The following GRID1 variants were observed in gnomAD, a reference collection of about 807,000 sequenced individuals.
GRID1 encodes glutamate ionotropic receptor delta type subunit 1, also known as glutamate receptor ionotropic, delta-1.
Under a neutral mutation model 98.0 loss-of-function variants are expected in GRID1, and 28 were observed. The observed-to-expected ratio is 0.29, with a 90% CI of 0.21 to 0.39. The LOEUF is 0.39. GRID1 is among the 10% of genes least tolerant of loss of function. The probability of loss-of-function intolerance (pLI) is 1.00; values close to 1 mark genes in which losing one functional copy is unlikely to be tolerated. For missense variants in GRID1, 1,111 were observed against 1,340.5 expected, an observed-to-expected ratio of 0.83 and a Z score of 2.67; for synonymous variants, 553 against 538.5, an observed-to-expected ratio of 1.03 and a Z score of -0.37.
chr10:85,774,749 A>G (rs879421928), intron 8 of GRID1, among the ~76,000 whole-genome samples: 317 of 150,556 alleles, frequency 2.1e-3, no homozygotes, highest in Middle Eastern at 0.01. Flanking sequence ...TGGCCATCAG[A>G]GAAATGCAAA....
At chr10:85,970,589 T>C (rs1164447101) in intron 4 of GRID1, among the ~76,000 whole-genome samples, 2 of 152,082 alleles carry the variant, frequency 1.3e-5, no homozygotes, top group Non-Finnish European at 2.9e-5. Context: ...TCTTTACAGA[T>C]GCAGAAAAAG....
chr10:86,197,491 T>C lies in GRID1; in HGVS notation c.520+8873A>G, dbSNP rs142166227. On this transcript the variant is annotated intron_variant, in intron 3 of 15. Coordinates refer to ENST00000327946, the MANE Select transcript of GRID1 (RefSeq NM_017551.3). Reference sequence around the variant, plus strand: ...AACACAACATCTCCCTTGTTCCCTCTCATGTGTGGAGCAAAGGAGGTCTGG... The same window carrying C: ...AACACAACATCTCCCTTGTTCCCTCCCATGTGTGGAGCAAAGGAGGTCTGG... Among the ~76,000 whole-genome samples the C allele has an allele frequency of 2.3e-3, 357 of 152,176 alleles. 2 individuals carry two copies. Among genetic ancestry groups the C allele is most frequent in the Non-Finnish European group, 3.7e-3 (250 of 67,970 alleles).
At chr10:85,826,314 G>A (rs575598047) in intron 8 of GRID1, among the ~76,000 whole-genome samples, 5 of 152,296 alleles carry the variant, frequency 3.3e-5, no homozygotes, top group South Asian at 2.1e-4. Flanking sequence ...CAGCCTGGGC[G>A]ACAGAGCGAG....
chr10:86,305,949 T>C (rs1004422014), intron 2 of GRID1, among the ~76,000 whole-genome samples: 1 of 152,192 alleles, frequency 6.6e-6, no homozygotes, highest in Non-Finnish European at 1.5e-5. Context: ...CATTTACAAA[T>C]GCACATTCCT....
chr10:86,074,428 T>C (rs1167976193), intron 4 of GRID1, among the ~76,000 whole-genome samples: 1 of 152,224 alleles, frequency 6.6e-6, no homozygotes, highest in Non-Finnish European at 1.5e-5. Context: ...ATATTTGCCT[T>C]TTTGTGCCCG....
chr10:85,791,299 AC>A (rs927202356), intron 8 of GRID1, among the ~76,000 whole-genome samples: 4 of 152,380 alleles, frequency 2.6e-5, no homozygotes, highest in African/African-American at 9.6e-5. Context: ...GAGATGGAGC[AC>A]AGGACCTGAA....
chr10:86,073,262 C>T (rs961028115), intron 4 of GRID1, among the ~76,000 whole-genome samples: 19 of 152,190 alleles, frequency 1.2e-4, no homozygotes, highest in African/African-American at 3.9e-4. Flanking sequence ...AACAGAGCAC[C>T]CCTGAGGGAG....
chr10:86,108,181 T>C (rs1844422240), intron 4 of GRID1, among the ~76,000 whole-genome samples: 1 of 152,008 alleles, frequency 6.6e-6, no homozygotes, highest in African/African-American at 2.4e-5. Context: ...GTCTGTATGC[T>C]CCCCTAGAGG....
chr10:85,752,856 A>G (rs1336527136), intron 8 of GRID1, among the ~76,000 whole-genome samples: 8 of 152,218 alleles, frequency 5.3e-5, no homozygotes, highest in African/African-American at 1.7e-4. Flanking sequence ...AATTCCTCTA[A>G]GGGTTATTTT....
intron 8 of GRID1, among the ~76,000 whole-genome samples, chr10:85,744,706 C>A (rs1423601045): frequency 1.9e-3 from 107 of 55,198 alleles, no homozygotes; most frequent in Non-Finnish European, 2.8e-3. Context: ...GCAACAAAAG[C>A]CAAAATTGAC....
chr10:86,192,791 T>A lies in GRID1; in HGVS notation c.520+13573A>T, dbSNP rs1589405350. Among the ~76,000 whole-genome samples the A allele has an allele frequency of 6.6e-6, 1 of 152,016 alleles. No homozygotes were observed. The highest frequency in any genetic ancestry group is 1.9e-4 in the East Asian group (1 of 5,188). On this transcript the variant is annotated intron_variant, in intron 3 of 15. Transcript: ENST00000327946. This position sits in a 1 kb window ranked among gnomAD's most constrained non-coding sequence, Gnocchi z 4.8. Reference sequence around the variant, plus strand: ...ACACAGGACCAGGGCCAACAGGTGATGTTCACACCGATATATGTGGTGATT... The same window carrying A: ...ACACAGGACCAGGGCCAACAGGTGAAGTTCACACCGATATATGTGGTGATT...
At chr10:86,325,323 G>C (rs1389498198) in intron 2 of GRID1, among the ~76,000 whole-genome samples, 1 of 152,148 alleles carries the variant, frequency 6.6e-6, no homozygotes, top group Non-Finnish European at 1.5e-5. Flanking sequence ...TGTACACAAT[G>C]AAACTGATTT....
intron 5 of GRID1, among the ~76,000 whole-genome samples, chr10:85,914,974 TAG>T (rs1460623804): frequency 6.6e-6 from 1 of 152,102 alleles, no homozygotes; most frequent in East Asian, 1.9e-4. Flanking sequence ...TTGGGAAAGC[TAG>T]AGTGTGTGAT....
At chr10:85,752,254 A>C (rs1157860507) in intron 8 of GRID1, among the ~76,000 whole-genome samples, 1 of 152,190 alleles carries the variant, frequency 6.6e-6, no homozygotes. Context: ...AACTGGAGAA[A>C]GTCCAGAAAT....
At chr10:85,733,217 A>G (rs924765738) in intron 8 of GRID1, among the ~76,000 whole-genome samples, 1 of 152,068 alleles carries the variant, frequency 6.6e-6, no homozygotes, top group African/African-American at 2.4e-5. Context: ...AGTTCCTTCT[A>G]CTCTTGGCAT....
chr10:86,210,981 G>A (rs1846099577), intron 2 of GRID1, among the ~76,000 whole-genome samples: 1 of 152,256 alleles, frequency 6.6e-6, no homozygotes. Context: ...GCCTGCCCTG[G>A]TCACAAGCTG....
intron 12 of GRID1, among the ~76,000 whole-genome samples, chr10:85,652,879 T>C (rs1029010651): frequency 2.6e-5 from 4 of 152,250 alleles, no homozygotes; most frequent in Admixed American, 6.5e-5. Flanking sequence ...CATTAGACAG[T>C]GCTCTATGTC....
intron 4 of GRID1, among the ~76,000 whole-genome samples, chr10:86,053,231 C>T (rs535237718): frequency 6.6e-6 from 1 of 152,108 alleles, no homozygotes; most frequent in South Asian, 2.1e-4. Context: ...ATATATATTC[C>T]TTGTGTAATA....
intron 3 of GRID1, among the ~76,000 whole-genome samples, chr10:86,185,067 T>C (rs976432066): frequency 5.3e-5 from 8 of 152,062 alleles, no homozygotes; most frequent in South Asian, 4.1e-4. Flanking sequence ...ATAGATTAAT[T>C]TGGGGAGAAC....
Sources: allele counts gnomAD v4.1 joint callset (sites outside exome capture counted in the v4.1 genomes callset), GRCh38; gene constraint gnomAD v4.1.1; non-coding constraint Gnocchi (gnomAD v3.1); transcripts MANE v1.5; gene names NCBI Gene and HGNC (gene_info 2026-07-23, HGNC 2026-07-21).